The following BBX variants were observed in gnomAD, a reference collection of about 807,000 sequenced individuals.
The protein encoded by BBX is HMG box transcription factor BBX.
Under a neutral mutation model 100.2 loss-of-function variants are expected in BBX, and 30 were observed. The observed-to-expected ratio is 0.30, with a 90% CI of 0.22 to 0.41. The LOEUF (loss-of-function observed/expected upper bound fraction) is 0.41. Among genes scored for constraint, BBX ranks in the 10% least tolerant of loss-of-function variants. The probability of loss-of-function intolerance (pLI) is 1.00; values close to 1 mark genes in which losing one functional copy is unlikely to be tolerated. For synonymous variants in BBX, 376 were observed against 388.1 expected (o/e 0.97, Z 0.37); for missense variants, 1,023 against 1,129.8 (o/e 0.91, Z 1.35).
intron 2 of BBX, among the ~76,000 whole-genome samples, chr3:107,612,831 G>T (rs904109498): frequency 6.6e-6 from 1 of 152,210 alleles, no homozygotes; most frequent in Non-Finnish European, 1.5e-5. Flanking sequence ...TCTGTTCAGG[G>T]TGGCAAATTC....
At chr3:107,782,926 G>A (rs2068052479) in intron 13 of BBX, among the ~76,000 whole-genome samples, 1 of 152,008 alleles carries the variant, frequency 6.6e-6, no homozygotes, top group Non-Finnish European at 1.5e-5. Flanking sequence ...TATCATAGTA[G>A]AGTGAAGAAC....
Position 107,805,653 on chromosome 3 carries a change from G to A in BBX, c.*196G>A. Reference sequence around the variant, plus strand: ...TTCTCTCAGAACCCAGAATCTTTGAGGGTAAGGTTATCTGTCTGATACTGA... The same window carrying A: ...TTCTCTCAGAACCCAGAATCTTTGAAGGTAAGGTTATCTGTCTGATACTGA... On this transcript the variant is annotated 3_prime_UTR_variant, in exon 18 of 18. Coordinates refer to ENST00000325805, the MANE Select transcript of BBX (RefSeq NM_001142568.3). 9.7e-7 allele frequency: 1 copy of A among 1,031,618 alleles called. No homozygotes were observed. The highest frequency in any genetic ancestry group is 1.4e-6 in the Non-Finnish European group (1 of 721,822). 63.9% of individuals were successfully genotyped at this position (1,031,618 alleles called of 1,614,324 possible).
intron 3 of BBX, among the ~76,000 whole-genome samples, chr3:107,666,813 AC>A (rs2058773707): frequency 1.3e-5 from 2 of 151,708 alleles, no homozygotes; most frequent in South Asian, 2.1e-4. Flanking sequence ...CTCATGATCC[AC>A]CCGCCTCGGC....
intron 12 of BBX, among the ~76,000 whole-genome samples, chr3:107,777,993 C>A (rs1451614694): frequency 6.6e-6 from 1 of 151,768 alleles, no homozygotes; most frequent in Non-Finnish European, 1.5e-5. Flanking sequence ...ATTTAATAAG[C>A]TTGCCATATA....
rs140220515 is a variant in BBX at position 107,548,213 on chromosome 3, G to A, written c.-84+21815G>A. Among the ~76,000 whole-genome samples the A allele has an allele frequency of 8.7e-3, 1,331 of 152,236 alleles. 26 individuals are homozygous for A. The highest frequency in any genetic ancestry group is 0.031 in the African/African-American group (1,269 of 41,524). ...GATTCTAGTTTCCTCATCCATAAAC[G>A]AGGAAAATAATAGTTACCTTTTGAA... is the stretch of plus-strand genomic sequence containing the variant. On this transcript the variant is annotated intron_variant, in intron 2 of 17. Transcript: ENST00000325805.
rs1214968589 is a variant in BBX, at chr3:107,808,635, TTTTA to T, written c.*3182_*3185del. 2 of 152,158 alleles carry T rather than the reference TTTTA, an allele frequency of 1.3e-5. No homozygotes were observed. Among genetic ancestry groups the T allele is most frequent in the African/African-American group, 4.8e-5 (2 of 41,426 alleles). The allele number at this position is 152,158 out of a possible 1,614,324, so 9.4% of individuals were successfully genotyped here. On this transcript the variant is annotated 3_prime_UTR_variant, in exon 18 of 18. Transcript: ENST00000325805. ...AAATACTGTAAGACATCCTTAAAGT[TTTTA>T]TTTGTTTGGGTACTGTATATGAGAT...
At chr3:107,685,750 T>C (rs998718954) in intron 3 of BBX, among the ~76,000 whole-genome samples, 9 of 152,254 alleles carry the variant, frequency 5.9e-5, no homozygotes, top group Non-Finnish European at 2.9e-5. Flanking sequence ...CTAATTTTTG[T>C]CTTTATTGAT....
chr3:107,707,330 T>A lies in BBX; in HGVS notation c.-9-3122T>A, dbSNP rs1445964886. On this transcript the variant is annotated intron_variant, in intron 3 of 17. Coordinates refer to ENST00000325805, the MANE Select transcript of BBX (RefSeq NM_001142568.3). ...TTTGTTTCCCACTTAGAAAAGAATA[T>A]CTGAATTCAGGAAAGTGTAAGAAAT... 3.9e-5 allele frequency among the ~76,000 whole-genome samples: 6 copies of A among 152,150 alleles called. 1 individual carries two copies. Among genetic ancestry groups the A allele is most frequent in the African/African-American group, 1.4e-4 (6 of 41,422 alleles).
intron 3 of BBX, chr3:107,659,789 A>C: frequency 7.9e-7 from 1 of 1,257,926 alleles, no homozygotes. Context: ...GTAGATACAG[A>C]AGTGGTACCC....
intron 2 of BBX, among the ~76,000 whole-genome samples, chr3:107,531,324 T>G (rs627179): frequency 0.11 from 16,322 of 152,188 alleles, 992 homozygotes; most frequent in Non-Finnish European, 0.12. Flanking sequence ...TAGGTTCCAC[T>G]CCTGCTGCCT....
intron 2 of BBX, among the ~76,000 whole-genome samples, chr3:107,542,991 C>CA (rs1191570994): frequency 5.9e-5 from 9 of 152,072 alleles, no homozygotes; most frequent in African/African-American, 2.2e-4. Flanking sequence ...CACAGTTGCT[C>CA]CTCAGTAGCT....
chr3:107,533,582 C>G (rs574733583), intron 2 of BBX, among the ~76,000 whole-genome samples: 53 of 152,284 alleles, frequency 3.5e-4, no homozygotes, highest in Non-Finnish European at 7.6e-4. Context: ...AGCTTAAACT[C>G]AGGCAGAACC....
intron 15 of BBX, 94 bp downstream of exon 15, chr3:107,791,393 A>G (rs1321884989): frequency 5.8e-6 from 6 of 1,040,412 alleles, no homozygotes; most frequent in East Asian, 4.9e-5. Context: ...ATATAGGTTT[A>G]AACAACAGCA....
intron 2 of BBX, among the ~76,000 whole-genome samples, chr3:107,567,364 G>C (rs922005400): frequency 6.6e-6 from 1 of 151,824 alleles, no homozygotes; most frequent in Non-Finnish European, 1.5e-5. Context: ...TAATCTGATT[G>C]TGATTGTCAA....
chr3:107,772,698 G>T lies in BBX; in HGVS notation c.977G>T (p.Gly326Val). Residue 326 changes from glycine to valine, a missense_variant, in exon 11 of 18, where the codon GGA becomes GTA. Physicochemically the swap from Gly to Val is moderately radical, Grantham distance 109 (BLOSUM62 -3). Transcript: ENST00000325805. ...KLIKAKESDG[G>V]RIKELEKGKE... is the part of the protein sequence containing the mutation. ...ATAAAAGCAAAAGAATCCGATGGTG[G>T]AAGAATTAAAGAATTAGAGAAGGGA... The T allele has an allele frequency of 1.2e-6, 2 of 1,607,710 alleles. No homozygotes were observed. The highest frequency in any genetic ancestry group is 1.7e-6 in the Non-Finnish European group (2 of 1,178,634).
chr3:107,624,271 A>G (rs919872297), intron 2 of BBX, among the ~76,000 whole-genome samples: 1 of 152,238 alleles, frequency 6.6e-6, no homozygotes, highest in Non-Finnish European at 1.5e-5. Context: ...TTTATCCATT[A>G]CATAAAACAA....
intron 13 of BBX, among the ~76,000 whole-genome samples, chr3:107,779,082 A>C (rs374415840): frequency 6.8e-6 from 1 of 146,524 alleles, no homozygotes; most frequent in Admixed American, 7.0e-5. Context: ...TGTTTAGTAT[A>C]TTCATTTTCA....
intron 2 of BBX, among the ~76,000 whole-genome samples, chr3:107,630,254 T>C (rs2056463213): frequency 6.6e-6 from 1 of 152,180 alleles, no homozygotes; most frequent in Non-Finnish European, 1.5e-5. Flanking sequence ...CCTGTGATTG[T>C]GTTTTGTAGT....
Position 107,538,365 on chromosome 3 carries a change from A to G in BBX, c.-84+11967A>G, listed in dbSNP as rs374656726. On this transcript the variant is annotated intron_variant, in intron 2 of 17. Coordinates refer to ENST00000325805, the MANE Select transcript of BBX (RefSeq NM_001142568.3). ...ACGTATATGGTGATGTATTTACTGC[A>G]TAAGGAACTGTGATCATGAATCAGT... is the stretch of plus-strand genomic sequence containing the variant. Among the ~76,000 whole-genome samples the G allele has an allele frequency of 2.6e-5, 4 of 152,332 alleles. No individual in the cohort carries two copies. In the South Asian group the frequency reaches 6.2e-4, roughly 24 times the overall value.
Sources: gnomAD v4.1 joint callset for allele counts (sites outside exome capture counted in the v4.1 genomes callset) on GRCh38, gnomAD v4.1.1 for gene constraint, MANE v1.5 for transcripts, NCBI Gene and HGNC (gene_info 2026-07-23, HGNC 2026-07-21) for gene names.